Variants in RBM20 observed in about 807,000 individuals in gnomAD.
RBM20 encodes the protein RNA binding motif protein 20.
In RBM20, 51 loss-of-function variants were observed where a neutral mutation model predicts 110.1. The observed-to-expected ratio is 0.46, with a 90% CI of 0.37 to 0.59. RBM20 has a LOEUF of 0.59. RBM20 is among the 20% of genes least tolerant of loss of function. RBM20 has a pLI of 0.00. For synonymous variants in RBM20, 589 were observed against 618.2 expected, an observed-to-expected ratio of 0.95 and a Z score of 0.70; for missense variants, 1,512 against 1,574.9, an observed-to-expected ratio of 0.96 and a Z score of 0.68.
rs180802404 is a variant in RBM20, at chr10:110,827,244, T to C, written c.3451+3630T>C. Among the ~76,000 whole-genome samples, 431 of 152,020 alleles carry C rather than the reference T, an allele frequency of 2.8e-3. 3 individuals are homozygous for C. The highest frequency in any genetic ancestry group is 0.01 in the African/African-American group (419 of 41,448). On this transcript the variant is annotated intron_variant, in intron 12 of 13. Transcript: ENST00000369519. ...AAATAAAATAAAACTAGCCAGGAGT[T>C]GTGGTGTAAATCTGCAGTCCCAGCT...
chr10:110,755,393 G>A (rs1179874830), intron 1 of RBM20, among the ~76,000 whole-genome samples: 1 of 152,166 alleles, frequency 6.6e-6, no homozygotes, highest in Non-Finnish European at 1.5e-5. Context: ...AGCCTGGTAG[G>A]GATGTGCTAT....
At chr10:110,724,035 C>T (rs1432803906) in intron 1 of RBM20, among the ~76,000 whole-genome samples, 1 of 152,138 alleles carries the variant, frequency 6.6e-6, no homozygotes, top group Non-Finnish European at 1.5e-5. Context: ...AACTGAGGCT[C>T]AGAAAGGTTA....
Position 110,821,498 on chromosome 10 carries a change from A to G in RBM20, c.2879A>G (p.Asp960Gly). The change falls in exon 11 of 14, where the codon GAT (aspartate) becomes GGT (glycine). Residue 960 changes from aspartate (D) to glycine (G), a missense_variant. Transcript: ENST00000369519. ...ACCTTAGACTTAGACCTGGCCCAGG[A>G]TTTCCCCAAGGAAGGAGTCAAGGCC... is the stretch of plus-strand genomic sequence containing the variant. ...TTTLDLDLAQ[D>G]FPKEGVKAVG... 2 of 1,551,976 alleles carry G rather than the reference A, an allele frequency of 1.3e-6. No individual in the cohort carries two copies. Among genetic ancestry groups the G allele is most frequent in the Non-Finnish European group, 1.7e-6 (2 of 1,147,054 alleles).
chr10:110,690,374 C>G (rs1357380335), intron 1 of RBM20, among the ~76,000 whole-genome samples: 1 of 151,988 alleles, frequency 6.6e-6, no homozygotes, highest in Non-Finnish European at 1.5e-5. Flanking sequence ...CCACTGCATT[C>G]CAGGTTGTGC....
At chr10:110,767,253 G>A (rs1426063313) in intron 1 of RBM20, among the ~76,000 whole-genome samples, 9 of 136,562 alleles carry the variant, frequency 6.6e-5, no homozygotes, top group Admixed American at 1.4e-4. Context: ...GTGGCTGGCC[G>A]GGCAGAGGGG....
In RBM20 at chr10:110,781,826, C is replaced by T; in HGVS notation, c.1217C>T (p.Ala406Val). The T allele has an allele frequency of 6.4e-7, 1 of 1,551,728 alleles. No homozygotes were observed. Among genetic ancestry groups the T allele is most frequent in the Non-Finnish European group, 8.7e-7 (1 of 1,147,002 alleles). ...GAGCTGAACGACTTTCACGGTGTGG[C>T]CCCCCTCCACTTGCCGCATATCTGT... ...AHELNDFHGVAPLHLPHICSI... is the reference protein window; with the variant it reads ...AHELNDFHGVVPLHLPHICSI... Residue 406 changes from alanine to valine, a missense_variant, in exon 2 of 14, where the codon GCC (alanine) becomes GTC (valine). Ala to Val is a moderately conservative substitution (Grantham distance 64). Transcript: ENST00000369519.
chr10:110,712,159 G>A (rs1015137224), intron 1 of RBM20, among the ~76,000 whole-genome samples: 4 of 152,110 alleles, frequency 2.6e-5, no homozygotes, highest in African/African-American at 9.7e-5. Flanking sequence ...TCTTCAGTAG[G>A]AAATGATGCA....
At chr10:110,732,244 C>T (rs79891859) in intron 1 of RBM20, among the ~76,000 whole-genome samples, 2,509 of 152,194 alleles carry the variant, frequency 0.016, 68 homozygotes, top group African/African-American at 0.058. Context: ...CCTGTCCCCT[C>T]GCCCCTGCTA....
chr10:110,802,183 A>G (rs1844635268), intron 7 of RBM20, among the ~76,000 whole-genome samples: 1 of 152,206 alleles, frequency 6.6e-6, no homozygotes, highest in African/African-American at 2.4e-5. Flanking sequence ...TCTAAGACCC[A>G]CAGGCCTTAA....
At chr10:110,773,997 G>A (rs1362982968) in intron 1 of RBM20, among the ~76,000 whole-genome samples, 1 of 152,156 alleles carries the variant, frequency 6.6e-6, no homozygotes, top group Non-Finnish European at 1.5e-5. Context: ...TGTGGTTTTT[G>A]GAGCTCCCTT....
chr10:110,781,479 A>C lies in RBM20; in HGVS notation c.870A>C (p.Ser290=). The stretch of plus-strand genomic sequence containing the variant: ...TTTACGGACCCAACTCCCAAGGTTC[A>C]CATGTGGCCAGCGGATTTCCAGCTG... ...KDFYGPNSQG[S]HVASGFPAEQ... is the part of the protein sequence containing the mutation. The change falls in exon 2 of 14, where the codon TCA becomes TCC. Residue 290 remains serine, a synonymous_variant. Transcript: ENST00000369519. 1 of 1,551,580 alleles carries C rather than the reference A, an allele frequency of 6.4e-7. No individual in the cohort carries two copies. Among genetic ancestry groups the C allele is most frequent in the Non-Finnish European group, 8.7e-7 (1 of 1,146,996 alleles).
intron 8 of RBM20, among the ~76,000 whole-genome samples, chr10:110,811,527 C>T (rs1844767333): frequency 2.6e-5 from 4 of 152,156 alleles, no homozygotes. Flanking sequence ...ATCTTGCCAC[C>T]TGCAATTCTG....
intron 1 of RBM20, among the ~76,000 whole-genome samples, chr10:110,758,791 C>G (rs1319055276): frequency 6.6e-6 from 1 of 151,952 alleles, no homozygotes; most frequent in East Asian, 1.9e-4. Flanking sequence ...AAATAGCTAT[C>G]CTATTGAACA....
intron 1 of RBM20, among the ~76,000 whole-genome samples, chr10:110,709,813 C>T (rs1862897984): frequency 2.0e-5 from 3 of 152,094 alleles, no homozygotes; most frequent in African/African-American, 7.2e-5. Context: ...TCAAGCAATT[C>T]TCCCACCTTG....
chr10:110,672,272 C>T (rs1401710705), intron 1 of RBM20, among the ~76,000 whole-genome samples: 3 of 152,206 alleles, frequency 2.0e-5, no homozygotes, highest in African/African-American at 7.2e-5. Flanking sequence ...GGAGAGGTCG[C>T]AGCACTTGTC....
At chr10:110,797,238 G>A (rs1488759572) in intron 5 of RBM20, among the ~76,000 whole-genome samples, 1 of 152,162 alleles carries the variant, frequency 6.6e-6, no homozygotes, top group Non-Finnish European at 1.5e-5. Flanking sequence ...GCTGCAGTAA[G>A]CCGTGTTTGC....
intron 1 of RBM20, among the ~76,000 whole-genome samples, chr10:110,692,220 T>G (rs1862595344): frequency 6.6e-6 from 1 of 152,244 alleles, no homozygotes. Context: ...ACTTTGTTCC[T>G]CTTTTTCAAG....
At chr10:110,775,718 G>C (rs1844252627) in intron 1 of RBM20, among the ~76,000 whole-genome samples, 1 of 152,188 alleles carries the variant, frequency 6.6e-6, no homozygotes, top group Admixed American at 6.5e-5. Context: ...AAACTGGAGG[G>C]TGACCAGGAA....
chr10:110,649,932 A>G (rs1275380668), intron 1 of RBM20, among the ~76,000 whole-genome samples: 1 of 152,216 alleles, frequency 6.6e-6, no homozygotes, highest in Non-Finnish European at 1.5e-5. Flanking sequence ...TCTGATCCTA[A>G]TTAAGAAGAC....
Sources: gnomAD v4.1 joint callset for allele counts (sites outside exome capture counted in the v4.1 genomes callset) on GRCh38, gnomAD v4.1.1 for gene constraint, MANE v1.5 for transcripts, NCBI Gene and HGNC (gene_info 2026-07-23, HGNC 2026-07-21) for gene names.